DNAH11: variants seen among roughly 807,000 people sequenced by gnomAD.
DNAH11 encodes dynein axonemal heavy chain 11.
DNAH11 carries 442 observed loss-of-function variants against 526.0 expected under a neutral mutation model. The ratio of observed to expected loss-of-function variants is 0.84; its 90% CI spans 0.78 to 0.91. DNAH11 has a LOEUF of 0.91. Among genes scored for constraint, DNAH11 ranks in the 40% least tolerant of loss-of-function variants. DNAH11 has a pLI of 0.00. For synonymous variants in DNAH11, 2,461 were observed against 1,935.9 expected (o/e 1.27, Z -7.12); for missense variants, 6,989 against 5,448.7 (o/e 1.28, Z -8.90).
At chr7:21,578,160 A>G (rs985601739) in intron 8 of DNAH11, among the ~76,000 whole-genome samples, 1 of 152,210 alleles carries the variant, frequency 6.6e-6, no homozygotes, top group Admixed American at 6.5e-5. Flanking sequence ...ACTCACTGTC[A>G]TGAGAACAAC....
At chr7:21,641,819 C>T (rs552222276) in intron 28 of DNAH11, among the ~76,000 whole-genome samples, 4 of 152,314 alleles carry the variant, frequency 2.6e-5, no homozygotes, top group South Asian at 4.1e-4. Context: ...ATTTTAACTA[C>T]GCGTTCTAAA....
At chr7:21,694,238 T>C (rs940343275) in intron 35 of DNAH11, among the ~76,000 whole-genome samples, 4 of 152,180 alleles carry the variant, frequency 2.6e-5, no homozygotes, top group Admixed American at 6.5e-5. Context: ...ATGTGCAGGT[T>C]TGTTACATAG....
chr7:21,687,413 A>G lies in DNAH11; in HGVS notation c.5810A>G (p.Gln1937Arg). The change falls in exon 34 of 82, where the codon CAG becomes CGG. Residue 1937 changes from glutamine to arginine, a missense_variant. Gln to Arg is a conservative substitution (Grantham distance 43). Transcript: ENST00000409508. ...SIGNIYKGLV[Q>R]TGAWGCFDEF... ...GGCAATATCTATAAGGGATTGGTGC[A>G]GACAGGAGCTTGGGGCTGCTTTGAT... The G allele has an allele frequency of 6.2e-7, 1 of 1,614,006 alleles. No individual in the cohort carries two copies. The highest frequency in any genetic ancestry group is 8.5e-7 in the Non-Finnish European group (1 of 1,179,912).
chr7:21,772,396 T>C (rs1562536955), intron 55 of DNAH11, among the ~76,000 whole-genome samples: 1 of 150,606 alleles, frequency 6.6e-6, no homozygotes, highest in Non-Finnish European at 1.5e-5. Flanking sequence ...TACACTTGGC[T>C]GAGGAATTAT....
intron 25 of DNAH11, among the ~76,000 whole-genome samples, chr7:21,622,544 T>G (rs2128455215): frequency 6.6e-6 from 1 of 151,628 alleles, no homozygotes; most frequent in Middle Eastern, 3.2e-3. Context: ...AAGCCTGGAG[T>G]CATCACACTA....
intron 70 of DNAH11, among the ~76,000 whole-genome samples, chr7:21,865,820 C>G (rs906857226): frequency 1.5e-4 from 23 of 152,150 alleles, no homozygotes; most frequent in African/African-American, 5.3e-4. Context: ...GCTGGTTGCC[C>G]ATTTTTATGG....
chr7:21,739,519 T>C (rs1198233743), intron 47 of DNAH11, 52 bp from the exon 48 acceptor site: 2 of 1,440,588 alleles, frequency 1.4e-6, no homozygotes, highest in East Asian at 2.3e-5. Flanking sequence ...TAGATTTTGC[T>C]CTTTTGTCAT....
rs1474943107 is a variant in DNAH11 at position 21,726,058 on chromosome 7, T to C, written c.7440+74T>C. ...ATAAAAAATACCTGCAACTGGGTAA[T>C]TTATAAAGAAAAGAGGTTTAATTGG... On this transcript the variant is annotated intron_variant, in intron 45 of 81. Transcript: ENST00000409508. 6.4e-5 allele frequency: 87 copies of C among 1,366,714 alleles called. No homozygotes were observed. In the East Asian group the frequency reaches 2.3e-3, roughly 36 times the overall value. The allele number at this position is 1,366,714 out of a possible 1,614,324, so 84.7% of individuals were successfully genotyped here. A position where few individuals can be genotyped will look rare whatever the true frequency, so the allele number is the denominator to read the frequency against.
chr7:21,543,162 C>T lies in DNAH11; in HGVS notation c.-84C>T, dbSNP rs1327707407. The T allele has an allele frequency of 1.4e-6, 2 of 1,440,118 alleles. No homozygotes were observed. The highest frequency in any genetic ancestry group is 9.1e-7 in the Non-Finnish European group (1 of 1,104,020). 89.2% of individuals were successfully genotyped at this position (1,440,118 alleles called of 1,614,324 possible). On this transcript the variant is annotated 5_prime_UTR_variant, in exon 1 of 82. Transcript: ENST00000409508. The stretch of plus-strand genomic sequence containing the variant: ...GACCGCGGAGGAGGGTGGGCGCCTG[C>T]GGAGGTGTCCTCGCTCACTTCGGGG...
Position 21,582,828 on chromosome 7 carries a change from AGT to A in DNAH11, c.1710+809_1710+810del, listed in dbSNP as rs1243111969. On this transcript the variant is annotated intron_variant, in intron 9 of 81. Coordinates refer to ENST00000409508, the MANE Select transcript of DNAH11 (RefSeq NM_001277115.2). ...ATGGATATAATTCATTGAGAATGGC[AGT>A]GCCAAACAATATAGCAGACACAGAT... Among the ~76,000 whole-genome samples, 6 of 152,330 alleles carry A rather than the reference AGT, an allele frequency of 3.9e-5. No homozygotes were observed. The South Asian group carries it at 1.2e-3, about 32-fold the overall frequency.
At chr7:21,825,685 T>C (rs1790254320) in intron 65 of DNAH11, among the ~76,000 whole-genome samples, 1 of 151,994 alleles carries the variant, frequency 6.6e-6, no homozygotes, top group African/African-American at 2.4e-5. Flanking sequence ...AAAATAGTTG[T>C]GTTACAAATG....
rs180850850 is a variant in DNAH11, at chr7:21,648,112, A to C, written c.4945-7720A>C. On this transcript the variant is annotated intron_variant, in intron 28 of 81. Transcript: ENST00000409508. ...AAATACTGGTGCTGTTGATTATAAT[A>C]ACTGGCTATGTTATTGCTTAACCTT... is the stretch of plus-strand genomic sequence containing the variant. 3.3e-5 allele frequency among the ~76,000 whole-genome samples: 5 copies of C among 152,366 alleles called. No homozygotes were observed. In the East Asian group the frequency reaches 7.7e-4, roughly 23 times the overall value.
In DNAH11 at chr7:21,731,501, A is replaced by G. The variant is rs1050404785; in HGVS notation, c.7441-4139A>G. Among the ~76,000 whole-genome samples, 4 of 152,254 alleles carry G rather than the reference A, an allele frequency of 2.6e-5. No homozygotes were observed. In the East Asian group the frequency reaches 7.7e-4, roughly 29 times the overall value. ...TAGACCTAGATACACCAATATCAGCATATCTCAAAAGTATAATGTTGATTG... is the reference window on the plus strand; with the variant it reads ...TAGACCTAGATACACCAATATCAGCGTATCTCAAAAGTATAATGTTGATTG... On this transcript the variant is annotated intron_variant, in intron 45 of 81. Transcript: ENST00000409508.
chr7:21,572,202 TCA>T (rs1783920410), intron 8 of DNAH11, among the ~76,000 whole-genome samples: 1 of 152,192 alleles, frequency 6.6e-6, no homozygotes, highest in South Asian at 2.1e-4. Context: ...ACTGCAGACC[TCA>T]GTCTGGATTT....
In DNAH11 at chr7:21,901,348, TTAGTAACTCACAC is replaced by T. The variant is rs1784831890; in HGVS notation, c.*95_*107del. The T allele has an allele frequency of 2.1e-6, 3 of 1,421,022 alleles. No homozygotes were observed. Among genetic ancestry groups the T allele is most frequent in the Non-Finnish European group, 2.8e-6 (3 of 1,081,620 alleles). The allele number at this position is 1,421,022 out of a possible 1,614,324, so 88.0% of individuals were successfully genotyped here. A position where few individuals can be genotyped will look rare whatever the true frequency, so the allele number is the denominator to read the frequency against. On this transcript the variant is annotated 3_prime_UTR_variant, in exon 82 of 82. Coordinates refer to ENST00000409508, the MANE Select transcript of DNAH11 (RefSeq NM_001277115.2). ...TTCCCATGCACATTATTCTAACTTT[TTAGTAACTCACAC>T]GTGCATTCTTTTTTCAACGCTATCC...
chr7:21,707,788 A>G lies in DNAH11; in HGVS notation c.6636A>G (p.Glu2212=). 6.2e-7 allele frequency: 1 copy of G among 1,612,242 alleles called. No individual in the cohort carries two copies. Among genetic ancestry groups the G allele is most frequent in the Non-Finnish European group, 8.5e-7 (1 of 1,179,188 alleles). ...ACCCTAAAGCTGTGACAACAGATGA[A>G]CTCTTTGGTTTCATACATCATGCTA... ...DLNPKAVTTD[E]LFGFIHHATR... is the part of the protein sequence containing the mutation. Residue 2212 remains glutamate, a synonymous_variant, in exon 40 of 82, where the codon GAA becomes GAG. Transcript: ENST00000409508.
At chr7:21,785,090 GTGAAA>G (rs1788115882) in intron 58 of DNAH11, among the ~76,000 whole-genome samples, 1 of 152,170 alleles carries the variant, frequency 6.6e-6, no homozygotes, top group South Asian at 2.1e-4. Context: ...GTTAGGGAAA[GTGAAA>G]TGGGGGGCAA....
intron 31 of DNAH11, among the ~76,000 whole-genome samples, chr7:21,683,412 C>T (rs369924242): frequency 1.6e-4 from 25 of 152,230 alleles, no homozygotes; most frequent in African/African-American, 2.2e-4. Context: ...TATGCCTCTG[C>T]GATGCAGAAA....
At position 21,711,748 on chromosome 7, in the gene DNAH11, A is replaced by G. The variant is rs1359744991; in HGVS notation, c.6871A>G (p.Thr2291Ala). Residue 2291 changes from threonine (T) to alanine (A), a missense_variant, in exon 42 of 82, where the codon ACT becomes GCT. Transcript: ENST00000409508. ...CGCCAGCAATGAGCGCATTGCACTC[A>G]CTCCCTTCATGAGGCTTCTGTTTGA... ...TLASNERIALTPFMRLLFEIH... is the reference protein window; with the variant it reads ...TLASNERIALAPFMRLLFEIH... 1 of 1,613,554 alleles carries G rather than the reference A, an allele frequency of 6.2e-7. No individual in the cohort carries two copies. The highest frequency in any genetic ancestry group is 1.7e-5 in the Admixed American group (1 of 59,946).
Sources: gnomAD v4.1 joint callset for allele counts (sites outside exome capture counted in the v4.1 genomes callset) on GRCh38, gnomAD v4.1.1 for gene constraint, MANE v1.5 for transcripts, NCBI Gene and HGNC (gene_info 2026-07-23, HGNC 2026-07-21) for gene names.